Variants in FES observed in about 807,000 individuals in gnomAD.
The protein encoded by FES is tyrosine-protein kinase Fes/Fps.
A neutral mutation model predicts 109.6 loss-of-function variants in FES; 83 were observed. The ratio of observed to expected loss-of-function variants is 0.76; its 90% CI spans 0.63 to 0.91. The LOEUF (loss-of-function observed/expected upper bound fraction) is 0.91, where lower values mean the gene tolerates loss of function less well. Ranked by LOEUF, FES falls within the 40% of genes least tolerant of loss-of-function variation. FES has a pLI of 0.00. For missense variants in FES, 943 were observed against 1,070.9 expected (o/e 0.88, Z 1.67); for synonymous variants, 458 against 442.1 (o/e 1.04, Z -0.45).
rs778996657 is a variant in FES, at chr15:90,889,586, G to T, written c.876G>T (p.Glu292Asp). 6.2e-7 allele frequency: 1 copy of T among 1,613,720 alleles called. No individual in the cohort carries two copies. Among genetic ancestry groups the T allele is most frequent in the Non-Finnish European group, 8.5e-7 (1 of 1,180,016 alleles). ...TGCTTGAGGAGGGTGAACCGCTGGA[G>T]CCTGGGGAGCTCCAGCTGAACGAGC... ...ESLLEEGEPL[E>D]PGELQLNELT... The change falls in exon 7 of 19, where the codon GAG (glutamate) becomes GAT (aspartate). Residue 292 changes from glutamate (E) to aspartate (D), a missense_variant. Glu to Asp is a conservative substitution (Grantham distance 45). Coordinates refer to ENST00000328850, the MANE Select transcript of FES (RefSeq NM_002005.4). This position sits in a 1 kb window ranked among gnomAD's most constrained non-coding sequence, Gnocchi z 6.1.
chr15:90,891,078 C>T lies in FES; in HGVS notation c.1417C>T (p.Leu473=), dbSNP rs1237034075. ...GAIPRAEVAE[L]LVHSGDFLVR... is the part of the protein sequence containing the mutation. The stretch of plus-strand genomic sequence containing the variant: ...CATCCCGAGGGCAGAGGTGGCTGAG[C>T]TGCTGGTGCACTCTGGGGACTTCCT... Residue 473 remains leucine, a synonymous_variant, in exon 11 of 19, where the codon CTG becomes TTG. Transcript: ENST00000328850. 2 of 1,595,784 alleles carry T rather than the reference C, an allele frequency of 1.3e-6. No individual in the cohort carries two copies. The highest frequency in any genetic ancestry group is 2.3e-5 in the South Asian group (2 of 87,946).
At position 90,889,628 on chromosome 15, in the gene FES, G is replaced by T; in HGVS notation, c.918G>T (p.Val306=). Residue 306 remains valine (V), a synonymous_variant, in exon 7 of 19, where the codon GTG becomes GTT. Transcript: ENST00000328850. This position sits in a 1 kb window ranked among gnomAD's most constrained non-coding sequence, Gnocchi z 6.1. ...LQLNELTVES[V]QHTLTSVTDE... Reference sequence around the variant, plus strand: ...TGAACGAGCTGACTGTGGAGAGCGTGCAGCACACGTGGGTGGTGGCTTTGC... The same window carrying T: ...TGAACGAGCTGACTGTGGAGAGCGTTCAGCACACGTGGGTGGTGGCTTTGC... 1.2e-6 allele frequency: 2 copies of T among 1,613,244 alleles called. No individual in the cohort carries two copies. The highest frequency in any genetic ancestry group is 1.1e-5 in the South Asian group (1 of 91,044).
chr15:90,887,083 G>C (rs757586600), intron 4 of FES, 26 bp downstream of exon 4: 6 of 1,613,744 alleles, frequency 3.7e-6, no homozygotes, highest in Non-Finnish European at 5.1e-6. Flanking sequence ...TGCTGGCAGG[G>C]AGGGAATCCG....
Position 90,891,535 on chromosome 15 carries a change from C to A in FES, c.1531-19C>A. The A allele has an allele frequency of 6.2e-7, 1 of 1,613,186 alleles. No individual in the cohort carries two copies. On this transcript the variant is annotated intron_variant, in intron 11 of 18. Transcript: ENST00000328850. ...CCCTCAGAATGGAGGCTGCTGACCC[C>A]GGGTCCCCTGCCCTGCAGAACCTGT... is the stretch of plus-strand genomic sequence containing the variant.
chr15:90,884,746 G>A (rs2032382111), intron 1 of FES: 1 of 323,764 alleles, frequency 3.1e-6, no homozygotes, highest in South Asian at 4.3e-5. Context: ...GAGGACCTGG[G>A]CAAGGGTGTC....
chr15:90,888,661 C>G (rs1433345871), intron 5 of FES, among the ~76,000 whole-genome samples: 1 of 152,138 alleles, frequency 6.6e-6, no homozygotes, highest in Non-Finnish European at 1.5e-5. Flanking sequence ...GGGATTTGGC[C>G]TGGAGCAGCT....
intron 10 of FES, 96 bp from the exon 11 acceptor site, chr15:90,890,886 G>A: frequency 3.2e-6 from 4 of 1,233,032 alleles, no homozygotes; most frequent in Non-Finnish European, 4.5e-6. Flanking sequence ...TGTAAGGGCT[G>A]AGGGCATATA....
rs992187450 is a variant in FES at position 90,888,431 on chromosome 15, C to T, written c.669-875C>T. On this transcript the variant is annotated intron_variant, in intron 5 of 18. Coordinates refer to ENST00000328850, the MANE Select transcript of FES (RefSeq NM_002005.4). Reference sequence around the variant, plus strand: ...CCTGACCTCTGTTTTAATAAGGCCACTCTGGCTGCTGTGCTGCAAATAGAC... The same window carrying T: ...CCTGACCTCTGTTTTAATAAGGCCATTCTGGCTGCTGTGCTGCAAATAGAC... Among the ~76,000 whole-genome samples the T allele has an allele frequency of 6.6e-5, 10 of 152,334 alleles. No homozygotes were observed. In the East Asian group the frequency reaches 1.9e-3, roughly 29 times the overall value.
intron 2 of FES, 26 bp from the exon 3 acceptor site, chr15:90,885,386 C>T (rs768078743): frequency 3.7e-6 from 6 of 1,600,604 alleles, no homozygotes; most frequent in East Asian, 2.2e-5. Context: ...GCCCCCCTCC[C>T]TGCCTCCCCC....
chr15:90,893,545 G>C (rs967397144), intron 16 of FES, 109 bp from the exon 17 acceptor site: 2 of 1,492,086 alleles, frequency 1.3e-6, no homozygotes, highest in South Asian at 2.7e-5. Flanking sequence ...GTGGTAGACA[G>C]GGGTGCCCAG....
intron 5 of FES, 21 bp downstream of exon 5, chr15:90,887,391 C>T (rs775461048): frequency 8.8e-6 from 14 of 1,589,908 alleles, no homozygotes; most frequent in Non-Finnish European, 1.2e-5. Context: ...AGCCCCGTCC[C>T]CTGGCCCCCA....
At chr15:90,892,567 G>A in intron 13 of FES, 140 bp from the exon 14 acceptor site, 1 of 711,380 alleles carries the variant, frequency 1.4e-6, no homozygotes, top group Non-Finnish European at 2.3e-6. Context: ...CCCCAGCGAG[G>A]GTCAAACTCC....
At chr15:90,884,881 C>T in intron 1 of FES, 156 bp from the exon 2 acceptor site, 1 of 664,570 alleles carries the variant, frequency 1.5e-6, no homozygotes, top group Non-Finnish European at 2.6e-6. Flanking sequence ...GGCCAGGCTG[C>T]TGCTGGGTAC....
rs749319461 is a variant in FES at position 90,893,790 on chromosome 15, G to A, written c.2182G>A (p.Ala728Thr). ...GLRQVPVKWT[A>T]PEALNYGRYS... ...CAGACAAGTCCCCGTGAAGTGGACC[G>A]CACCTGAGGCCCTTAACTACGGTAC... The change falls in exon 17 of 19, where the codon GCA becomes ACA. Residue 728 changes from alanine (A) to threonine (T), a missense_variant. Physicochemically the swap from Ala to Thr is moderately conservative, Grantham distance 58 (BLOSUM62 0). Transcript: ENST00000328850. 1.3e-6 allele frequency: 2 copies of A among 1,597,472 alleles called. No individual in the cohort carries two copies. The highest frequency in any genetic ancestry group is 1.1e-5 in the South Asian group (1 of 89,296).
chr15:90,895,616 C>T lies in FES; in HGVS notation c.*58C>T, dbSNP rs1181545550. On this transcript the variant is annotated 3_prime_UTR_variant, in exon 19 of 19. Transcript: ENST00000328850. Reference sequence around the variant, plus strand: ...TGCAGGCCTAGGTGCAGCTCCTCAGCGGCTCCAGCTCATATGCTGACAGCT... The same window carrying T: ...TGCAGGCCTAGGTGCAGCTCCTCAGTGGCTCCAGCTCATATGCTGACAGCT... The T allele has an allele frequency of 1.2e-5, 17 of 1,434,364 alleles. No individual in the cohort carries two copies. In the East Asian group the frequency reaches 1.3e-4, roughly 11 times the overall value. 88.9% of individuals were successfully genotyped at this position (1,434,364 alleles called of 1,614,324 possible).
At position 90,885,483 on chromosome 15, in the gene FES, C is replaced by G; in HGVS notation, c.285C>G (p.Asn95Lys). 1 of 1,613,438 alleles carries G rather than the reference C, an allele frequency of 6.2e-7. No individual in the cohort carries two copies. Among genetic ancestry groups the G allele is most frequent in the Non-Finnish European group, 8.5e-7 (1 of 1,180,036 alleles). Residue 95 changes from asparagine (N) to lysine (K), a missense_variant, in exon 3 of 19, where the codon AAC becomes AAG. Coordinates refer to ENST00000328850, the MANE Select transcript of FES (RefSeq NM_002005.4). ...RLLRQHAEDL[N>K]SGPLSKLSLL... ...TGCGGCAGCACGCAGAGGATCTGAA[C>G]TCAGGGCCCCTGAGCAAGCTGAGCC...
intron 18 of FES, among the ~76,000 whole-genome samples, chr15:90,895,176 G>C (rs1249746081): frequency 5.3e-5 from 8 of 152,210 alleles, no homozygotes; most frequent in Admixed American, 5.2e-4. Context: ...TGTGTGGTAG[G>C]GATTAATATG....
chr15:90,885,376 GC>G, intron 2 of FES, 35 bp from the exon 3 acceptor site: 1 of 1,598,300 alleles, frequency 6.3e-7, no homozygotes. Context: ...GAGCCATTGT[GC>G]CCCCCTCCCT....
rs373220201 is a variant in FES at position 90,891,048 on chromosome 15, G to A, written c.1387G>A (p.Gly463Arg). Reference sequence around the variant, plus strand: ...CCTGCATGAGCAGCTGTGGTACCACGGGGCCATCCCGAGGGCAGAGGTGGC... The same window carrying A: ...CCTGCATGAGCAGCTGTGGTACCACAGGGCCATCCCGAGGGCAGAGGTGGC... Reference protein sequence around the residue: ...KPLHEQLWYHGAIPRAEVAEL... With the variant: ...KPLHEQLWYHRAIPRAEVAEL... Residue 463 changes from glycine (G) to arginine (R), a missense_variant, in exon 11 of 19, where the codon GGG becomes AGG. Coordinates refer to ENST00000328850, the MANE Select transcript of FES (RefSeq NM_002005.4). 3.8e-6 allele frequency: 6 copies of A among 1,599,214 alleles called. No individual in the cohort carries two copies. Among genetic ancestry groups the A allele is most frequent in the South Asian group, 2.3e-5 (2 of 88,334 alleles).
Sources: gnomAD v4.1 joint callset for allele counts (sites outside exome capture counted in the v4.1 genomes callset) on GRCh38, gnomAD v4.1.1 for gene constraint, Gnocchi (gnomAD v3.1) non-coding constraint, MANE v1.5 for transcripts, NCBI Gene and HGNC (gene_info 2026-07-23, HGNC 2026-07-21) for gene names.